PLXNA4: variants seen among roughly 807,000 people sequenced by gnomAD.
The protein encoded by PLXNA4 is plexin A4.
A neutral mutation model predicts 191.8 loss-of-function variants in PLXNA4; 44 were observed. The ratio of observed to expected loss-of-function variants is 0.23; its 90% CI spans 0.18 to 0.29. The LOEUF (loss-of-function observed/expected upper bound fraction) is 0.29. Ranked by LOEUF, PLXNA4 falls within the 10% of genes least tolerant of loss-of-function variation. PLXNA4 has a pLI of 1.00. For synonymous variants in PLXNA4, 1,082 were observed against 1,009.5 expected (o/e 1.07, Z -1.36); for missense variants, 1,800 against 2,488.8 (o/e 0.72, Z 5.89).
At chr7:132,447,552 T>C (rs1023417611) in intron 3 of PLXNA4, among the ~76,000 whole-genome samples, 3 of 152,052 alleles carry the variant, frequency 2.0e-5, no homozygotes, top group Non-Finnish European at 4.4e-5. Flanking sequence ...AAACAGAGGA[T>C]CTCTCATATC....
At position 132,328,882 on chromosome 7, in the gene PLXNA4, G is replaced by T. The variant is rs542937636; in HGVS notation, c.1372-30660C>A. ...GGAGAGACCATTGCATATGAGGAGG[G>T]GGTGTCTTCTCAAGACTCAGCCACC... On this transcript the variant is annotated intron_variant, in intron 3 of 31. Coordinates refer to ENST00000321063, the MANE Select transcript of PLXNA4 (RefSeq NM_020911.2). 4.5e-4 allele frequency among the ~76,000 whole-genome samples: 68 copies of T among 152,168 alleles called. 1 individual carries two copies. The highest frequency in any genetic ancestry group is 9.0e-4 in the Non-Finnish European group (61 of 68,024).
chr7:132,494,695 C>T (rs1585220553), intron 2 of PLXNA4, among the ~76,000 whole-genome samples: 1 of 152,198 alleles, frequency 6.6e-6, no homozygotes, highest in Non-Finnish European at 1.5e-5. Context: ...CGTGCAATTA[C>T]GTGTCGCCAC....
chr7:132,210,932 G>T lies in PLXNA4; in HGVS notation c.2298+11C>A. 6.2e-7 allele frequency: 1 copy of T among 1,608,024 alleles called. No homozygotes were observed. The highest frequency in any genetic ancestry group is 8.5e-7 in the Non-Finnish European group (1 of 1,177,222). ...GCCTGGTTTGGCAGTGGGCAGGGTTGGGCGACTCACAGAGGTGTTCTGGCA... is the reference window on the plus strand; with the variant it reads ...GCCTGGTTTGGCAGTGGGCAGGGTTTGGCGACTCACAGAGGTGTTCTGGCA... On this transcript the variant is annotated intron_variant, in intron 10 of 31. Transcript: ENST00000321063.
At chr7:132,621,406 G>C (rs972001239) in intron 2 of PLXNA4, among the ~76,000 whole-genome samples, 2 of 151,834 alleles carry the variant, frequency 1.3e-5, no homozygotes, top group African/African-American at 4.8e-5. Flanking sequence ...GACTACAGGC[G>C]CATGCCACCA....
intron 3 of PLXNA4, among the ~76,000 whole-genome samples, chr7:132,452,739 T>A (rs552150898): frequency 1.6e-4 from 25 of 152,292 alleles, no homozygotes; most frequent in Non-Finnish European, 3.1e-4. Context: ...GAGATGGGGT[T>A]GGACATGAGC....
intron 3 of PLXNA4, among the ~76,000 whole-genome samples, chr7:132,465,487 C>T (rs1796665287): frequency 6.6e-6 from 1 of 152,182 alleles, no homozygotes; most frequent in African/African-American, 2.4e-5. Context: ...TTACCTTGGT[C>T]CTTGGATTGG....
At chr7:132,561,518 T>TCC (rs1801064050) in intron 1 of PLXNA4, among the ~76,000 whole-genome samples, 1 of 114,588 alleles carries the variant, frequency 8.7e-6, no homozygotes, top group African/African-American at 3.5e-5. Context: ...CTCCTCCTCC[T>TCC]TCTCCTCCTC....
intron 2 of PLXNA4, among the ~76,000 whole-genome samples, chr7:132,609,065 C>T (rs1802996088): frequency 6.6e-6 from 1 of 152,168 alleles, no homozygotes; most frequent in Admixed American, 6.5e-5. Flanking sequence ...CCTAAAGGCC[C>T]AGCTCAGTGT....
intron 1 of PLXNA4, among the ~76,000 whole-genome samples, chr7:132,571,675 G>C (rs1229004170): frequency 6.6e-6 from 1 of 152,040 alleles, no homozygotes; most frequent in Non-Finnish European, 1.5e-5. Context: ...ATCAAAATGG[G>C]AATAAACAAT....
chr7:132,636,710 C>T (rs905992311), intron 2 of PLXNA4, among the ~76,000 whole-genome samples: 2 of 152,192 alleles, frequency 1.3e-5, no homozygotes, highest in African/African-American at 4.8e-5. Flanking sequence ...TCCCCCACTG[C>T]AGCCCAATAA....
chr7:132,454,577 T>C (rs1183313598), intron 3 of PLXNA4, among the ~76,000 whole-genome samples: 1 of 151,958 alleles, frequency 6.6e-6, no homozygotes, highest in Non-Finnish European at 1.5e-5. Context: ...TTCCACAAAT[T>C]CATATGTTGA....
chr7:132,568,589 T>A (rs1801841265), intron 1 of PLXNA4, among the ~76,000 whole-genome samples: 1 of 152,188 alleles, frequency 6.6e-6, no homozygotes, highest in South Asian at 2.1e-4. Flanking sequence ...CCCACCCCAA[T>A]TCTGAACTGC....
chr7:132,419,211 C>T (rs1794764843), intron 3 of PLXNA4, among the ~76,000 whole-genome samples: 1 of 152,168 alleles, frequency 6.6e-6, no homozygotes, highest in South Asian at 2.1e-4. Context: ...AAGGTTTCTA[C>T]CTGGGGCCAG....
intron 3 of PLXNA4, among the ~76,000 whole-genome samples, chr7:132,345,932 G>C (rs1803228849): frequency 6.6e-6 from 1 of 151,958 alleles, no homozygotes; most frequent in Non-Finnish European, 1.5e-5. Flanking sequence ...ACTCTATCCT[G>C]TTCTCCTCTT....
intron 3 of PLXNA4, among the ~76,000 whole-genome samples, chr7:132,448,324 G>T (rs1795987474): frequency 6.6e-6 from 1 of 152,228 alleles, no homozygotes; most frequent in Admixed American, 6.5e-5. Context: ...ACAATAGCTG[G>T]TTGTTACATT....
At chr7:132,527,855 T>G (rs1017164623) in intron 1 of PLXNA4, among the ~76,000 whole-genome samples, 1 of 152,106 alleles carries the variant, frequency 6.6e-6, no homozygotes, top group African/African-American at 2.4e-5. Flanking sequence ...GAGAGGTAAC[T>G]GATAGAGCCT....
chr7:132,455,660 T>C (rs1053859807), intron 3 of PLXNA4, among the ~76,000 whole-genome samples: 6 of 152,072 alleles, frequency 3.9e-5, no homozygotes, highest in African/African-American at 1.2e-4. Context: ...CCTTTCTTTC[T>C]GGGCTTCGAA....
intron 2 of PLXNA4, among the ~76,000 whole-genome samples, chr7:132,615,927 A>ATCTCTC (rs370549958): frequency 0.047 from 3,958 of 83,710 alleles, 215 homozygotes; most frequent in African/African-American, 0.1. Context: ...CAGATAAAGG[A>ATCTCTC]TCTCTCTCTC....
intron 3 of PLXNA4, among the ~76,000 whole-genome samples, chr7:132,307,157 C>T (rs1202345829): frequency 3.9e-5 from 6 of 152,088 alleles, no homozygotes; most frequent in African/African-American, 1.4e-4. Flanking sequence ...ATCCCTACAA[C>T]CCCACACCAA....
Sources: allele counts gnomAD v4.1 joint callset (sites outside exome capture counted in the v4.1 genomes callset), GRCh38; gene constraint gnomAD v4.1.1; transcripts MANE v1.5; gene names NCBI Gene and HGNC (gene_info 2026-07-23, HGNC 2026-07-21).